The following SELENOO variants were observed in gnomAD, a reference collection of about 807,000 sequenced individuals.
SELENOO encodes selenoprotein O.
SELENOO carries 74 observed loss-of-function variants against 58.7 expected under a neutral mutation model. That is an observed-to-expected ratio of 1.26 (90% CI 1.04 to 1.53). The LOEUF (loss-of-function observed/expected upper bound fraction) is 1.53, where lower values mean the gene tolerates loss of function less well. SELENOO is among the 40% of genes most tolerant of loss of function. The pLI is 0.00. For synonymous variants in SELENOO, 543 were observed against 453.2 expected (o/e 1.20, Z -2.52); for missense variants, 1,149 against 970.0 (o/e 1.18, Z -2.45).
chr22:50,208,510 G>T lies in SELENOO; in HGVS notation c.759-26G>T, dbSNP rs1321996010. The T allele has an allele frequency of 1.9e-6, 3 of 1,605,856 alleles. No homozygotes were observed. The African/African-American group carries it at 4.0e-5, about 21-fold the overall frequency. On this transcript the variant is annotated intron_variant, in intron 2 of 8. Coordinates refer to ENST00000380903, the MANE Select transcript of SELENOO (RefSeq NM_031454.2). ...AAGGGGCTGGGGTCAGGTTTGGGCT[G>T]TTGACGCCTCGGGTCTTCCCTCCAG...
chr22:50,215,968 C>A, intron 6 of SELENOO, 101 bp downstream of exon 6: 2 of 1,074,286 alleles, frequency 1.9e-6, no homozygotes, highest in Non-Finnish European at 2.7e-6. Context: ...CTGGCTGGGG[C>A]CCAGGTGGCT....
At chr22:50,208,899 A>T in intron 3 of SELENOO, 183 bp downstream of exon 3, 1 of 547,226 alleles carries the variant, frequency 1.8e-6, no homozygotes, top group Non-Finnish European at 3.2e-6. Flanking sequence ...CAAACCTGAA[A>T]CTCCCCTGGG....
At chr22:50,204,620 CAAAAAAA>C (rs34563111) in intron 1 of SELENOO, among the ~76,000 whole-genome samples, 1 of 148,014 alleles carries the variant, frequency 6.8e-6, no homozygotes, top group South Asian at 2.1e-4. Flanking sequence ...GACCCTGTCT[CAAAAAAA>C]AAAAAAAATC....
At chr22:50,212,786 T>G (rs989077039) in intron 5 of SELENOO, among the ~76,000 whole-genome samples, 3 of 150,886 alleles carry the variant, frequency 2.0e-5, no homozygotes, top group Non-Finnish European at 1.5e-5. Context: ...TTCTTCAGTC[T>G]GTTGTCTCCC....
At chr22:50,208,408 C>T in intron 2 of SELENOO, 128 bp from the exon 3 acceptor site, 1 of 811,100 alleles carries the variant, frequency 1.2e-6, no homozygotes, top group Non-Finnish European at 1.9e-6. Context: ...CCAGCCTGGA[C>T]AACAAGAGTG....
chr22:50,201,036 G>A lies in SELENOO; in HGVS notation c.-1G>A. ...GGCTTCCGGCGGGAGCGGGGCCGCG[G>A]ATGGCCGTATACAGGGCAGCGCTCG... On this transcript the variant is annotated 5_prime_UTR_variant, in exon 1 of 9. Coordinates refer to ENST00000380903, the MANE Select transcript of SELENOO (RefSeq NM_031454.2). 1 of 1,274,612 alleles carries A rather than the reference G, an allele frequency of 7.8e-7. No homozygotes were observed. The highest frequency in any genetic ancestry group is 9.9e-7 in the Non-Finnish European group (1 of 1,009,720). The allele number at this position is 1,274,612 out of a possible 1,614,324, so 79.0% of individuals were successfully genotyped here.
chr22:50,215,648 G>T (rs1332564604), intron 5 of SELENOO, 69 bp from the exon 6 acceptor site: 17 of 1,065,294 alleles, frequency 1.6e-5, no homozygotes, highest in South Asian at 6.1e-5. Flanking sequence ...GGGGGGGGGG[G>T]TCTGTGTGGC....
Position 50,206,536 on chromosome 22 carries a change from T to C in SELENOO, c.758+16T>C, listed in dbSNP as rs757684907. The C allele has an allele frequency of 1.2e-5, 19 of 1,603,042 alleles. No individual in the cohort carries two copies. The Admixed American group carries it at 3.1e-4, about 26-fold the overall frequency. ...CTTTCATAAGGTAATGCCGGGGGCCTTTCGGCCTGTCTACACGCACTTGCT... is the reference window on the plus strand; with the variant it reads ...CTTTCATAAGGTAATGCCGGGGGCCCTTCGGCCTGTCTACACGCACTTGCT... On this transcript the variant is annotated intron_variant, in intron 2 of 8. Transcript: ENST00000380903.
intron 2 of SELENOO, 95 bp downstream of exon 2, chr22:50,206,615 C>T: frequency 8.7e-7 from 1 of 1,148,304 alleles, no homozygotes. Flanking sequence ...AGAAACAAAC[C>T]CAGATGACCG....
intron 1 of SELENOO, among the ~76,000 whole-genome samples, chr22:50,202,649 A>C (rs1174841364): frequency 1.3e-5 from 2 of 152,176 alleles, no homozygotes; most frequent in Non-Finnish European, 2.9e-5. Context: ...TTAAAGTTAA[A>C]AAGACAATTT....
At position 50,201,442 on chromosome 22, in the gene SELENOO, G is replaced by T. The variant is rs1391037787; in HGVS notation, c.406G>T (p.Ala136Ser). 1.4e-6 allele frequency: 2 copies of T among 1,390,928 alleles called. No individual in the cohort carries two copies. The highest frequency in any genetic ancestry group is 2.6e-4 in the Middle Eastern group (1 of 3,898). 86.2% of individuals were successfully genotyped at this position (1,390,928 alleles called of 1,614,324 possible). A position where few individuals can be genotyped will look rare whatever the true frequency, so the allele number is the denominator to read the frequency against. Residue 136 changes from alanine (A) to serine (S), a missense_variant, in exon 1 of 9, where the codon GCC becomes TCC. Physicochemically the swap from Ala to Ser is moderately conservative, Grantham distance 99 (BLOSUM62 1). Coordinates refer to ENST00000380903, the MANE Select transcript of SELENOO (RefSeq NM_031454.2). ...GNALLPGAEP[A>S]AHCYCGHQFG... ...CGCGCTCCTGCCGGGCGCCGAGCCC[G>T]CCGCGCACTGCTACTGCGGCCACCA...
chr22:50,201,263 C>A lies in SELENOO; in HGVS notation c.227C>A (p.Pro76His). 9.3e-7 allele frequency: 1 copy of A among 1,070,172 alleles called. No individual in the cohort carries two copies. Among genetic ancestry groups the A allele is most frequent in the Non-Finnish European group, 1.1e-6 (1 of 888,192 alleles). The allele number at this position is 1,070,172 out of a possible 1,614,324, so 66.3% of individuals were successfully genotyped here. Reference protein sequence around the residue: ...GPEGAPSAPRPVPGACFTRVQ... With the variant: ...GPEGAPSAPRHVPGACFTRVQ... ...GAGGGCGCCCCGTCCGCGCCGCGGC[C>A]CGTGCCCGGGGCCTGCTTCACCCGC... is the stretch of plus-strand genomic sequence containing the variant. Residue 76 changes from proline (P) to histidine (H), a missense_variant, in exon 1 of 9, where the codon CCC becomes CAC. Coordinates refer to ENST00000380903, the MANE Select transcript of SELENOO (RefSeq NM_031454.2).
rs9617118 is a variant in SELENOO at position 50,217,279 on chromosome 22, G to A, written c.1920G>A (p.Thr640=). 1.3e-3 allele frequency: 2,080 copies of A among 1,612,504 alleles called. 4 individuals carry two copies. Among genetic ancestry groups the A allele is most frequent in the Non-Finnish European group, 1.6e-3 (1,946 of 1,179,770 alleles). ...EAGAATDAEA[T]EADGADGRQR... ...GGGCCGCCACAGACGCCGAGGCCAC[G>A]GAAGCCGACGGGGCGGACGGCAGGC... The change falls in exon 9 of 9, where the codon ACG becomes ACA. Residue 640 remains threonine, a synonymous_variant. Transcript: ENST00000380903.
chr22:50,215,064 G>A (rs2064396094), intron 5 of SELENOO, among the ~76,000 whole-genome samples: 1 of 152,190 alleles, frequency 6.6e-6, no homozygotes, highest in Non-Finnish European at 1.5e-5. Flanking sequence ...TTTGCAGTAC[G>A]TTGCTTTGAC....
At chr22:50,212,368 G>T (rs1484063446) in intron 5 of SELENOO, among the ~76,000 whole-genome samples, 5 of 152,134 alleles carry the variant, frequency 3.3e-5, no homozygotes, top group Admixed American at 3.3e-4. Flanking sequence ...GGTAATTTAT[G>T]TTTCCAGGAA....
At chr22:50,202,715 T>C (rs1377405003) in intron 1 of SELENOO, among the ~76,000 whole-genome samples, 1 of 152,198 alleles carries the variant, frequency 6.6e-6, no homozygotes, top group Non-Finnish European at 1.5e-5. Context: ...AAGACTTGAG[T>C]ATTAACTCAC....
At chr22:50,207,527 G>A (rs1161918139) in intron 2 of SELENOO, among the ~76,000 whole-genome samples, 4 of 151,696 alleles carry the variant, frequency 2.6e-5, no homozygotes, top group African/African-American at 4.8e-5. Context: ...CGTCCTGCCC[G>A]GGACACCAGC....
In SELENOO at chr22:50,201,427, C is replaced by T. The variant is rs1468636279; in HGVS notation, c.391C>T (p.Pro131Ser). 2.2e-6 allele frequency: 3 copies of T among 1,369,450 alleles called. No individual in the cohort carries two copies. Among genetic ancestry groups the T allele is most frequent in the Non-Finnish European group, 2.8e-6 (3 of 1,055,714 alleles). The allele number at this position is 1,369,450 out of a possible 1,614,324, so 84.8% of individuals were successfully genotyped here. A position where few individuals can be genotyped will look rare whatever the true frequency, so the allele number is the denominator to read the frequency against. The change falls in exon 1 of 9, where the codon CCG becomes TCG. Residue 131 changes from proline (P) to serine (S), a missense_variant. Coordinates refer to ENST00000380903, the MANE Select transcript of SELENOO (RefSeq NM_031454.2). ...GTTCTTCAGCGGCAACGCGCTCCTG[C>T]CGGGCGCCGAGCCCGCCGCGCACTG... is the stretch of plus-strand genomic sequence containing the variant. ...ALFFSGNALL[P>S]GAEPAAHCYC... is the part of the protein sequence containing the mutation.
intron 5 of SELENOO, 41 bp from the exon 6 acceptor site, chr22:50,215,676 G>A (rs2064402164): frequency 1.9e-6 from 3 of 1,540,320 alleles, no homozygotes; most frequent in South Asian, 2.4e-5. Context: ...CAGGGACCCT[G>A]GGCCTTCTGC....
Sources: gnomAD v4.1 joint callset for allele counts (sites outside exome capture counted in the v4.1 genomes callset) on GRCh38, gnomAD v4.1.1 for gene constraint, MANE v1.5 for transcripts, NCBI Gene and HGNC (gene_info 2026-07-23, HGNC 2026-07-21) for gene names.